NFATC2: variants seen among roughly 807,000 people sequenced by gnomAD.
NFATC2 encodes the protein nuclear factor of activated T-cells, cytoplasmic 2.
NFATC2 carries 22 observed loss-of-function variants against 87.3 expected under a neutral mutation model. That is an observed-to-expected ratio of 0.25 (90% CI 0.18 to 0.36). The LOEUF (loss-of-function observed/expected upper bound fraction) is 0.36, where lower values mean the gene tolerates loss of function less well. NFATC2 is among the 10% of genes least tolerant of loss of function. The pLI, the probability that NFATC2 is intolerant of heterozygous loss-of-function variation, is 1.00. For missense variants in NFATC2, 1,149 were observed against 1,259.1 expected, an observed-to-expected ratio of 0.91 and a Z score of 1.32; for synonymous variants, 565 against 542.2, an observed-to-expected ratio of 1.04 and a Z score of -0.58.
At position 51,523,644 on chromosome 20, in the gene NFATC2, G is replaced by A; in HGVS notation, c.597C>T (p.Asp199=). 7 of 1,613,726 alleles carry A rather than the reference G, an allele frequency of 4.3e-6. No homozygotes were observed. In the East Asian group the frequency reaches 6.7e-5, roughly 15 times the overall value. ...TGTTTTGAAACTGCGGACACAGGTCGTCGGGCCCGCCGTTATTGGGCGAGA... is the reference window on the plus strand; with the variant it reads ...TGTTTTGAAACTGCGGACACAGGTCATCGGGCCCGCCGTTATTGGGCGAGA... ...PCVSPNNGGP[D]DLCPQFQNIP... The change falls in exon 2 of 11, where the codon GAC becomes GAT. Residue 199 remains aspartate, a synonymous_variant. Transcript: ENST00000371564. This position sits in a 1 kb window ranked among gnomAD's most constrained non-coding sequence, Gnocchi z 6.9.
intron 3 of NFATC2, among the ~76,000 whole-genome samples, chr20:51,515,544 A>G (rs1461134163): frequency 6.6e-6 from 1 of 152,244 alleles, no homozygotes; most frequent in African/African-American, 2.4e-5. Flanking sequence ...AATGTCTACC[A>G]CATCCAGTAT....
chr20:51,501,546 G>A (rs1158182043), intron 3 of NFATC2, among the ~76,000 whole-genome samples: 2 of 152,184 alleles, frequency 1.3e-5, no homozygotes, highest in Non-Finnish European at 2.9e-5. Context: ...TGGCTCCCAA[G>A]ATAGCAACAC....
chr20:51,484,028 C>G (rs1045369079), intron 3 of NFATC2, among the ~76,000 whole-genome samples: 3 of 152,056 alleles, frequency 2.0e-5, no homozygotes, highest in Non-Finnish European at 4.4e-5. Context: ...TCAAAAAGCC[C>G]GAGTCCTTAC....
intron 9 of NFATC2, among the ~76,000 whole-genome samples, chr20:51,409,938 C>A (rs935926884): frequency 1.3e-5 from 2 of 152,222 alleles, no homozygotes; most frequent in Non-Finnish European, 2.9e-5. Context: ...TGGCCGGGCA[C>A]AGTGGCTCAC....
chr20:51,432,499 C>A lies in NFATC2; in HGVS notation c.2290G>T (p.Gly764Cys). The A allele has an allele frequency of 6.4e-7, 1 of 1,556,756 alleles. No individual in the cohort carries two copies. The highest frequency in any genetic ancestry group is 1.2e-5 in the South Asian group (1 of 81,950). Reference sequence around the variant, plus strand: ...GCCATGAGGGCCGGCTGCTGATAGCCCAGCAGGCTGGGGCTCAGGCTCTTG... The same window carrying A: ...GCCATGAGGGCCGGCTGCTGATAGCACAGCAGGCTGGGGCTCAGGCTCTTG... ...RSKSLSPSLL[G>C]YQQPALMAAP... Residue 764 changes from glycine to cysteine, a missense_variant, in exon 9 of 11, where the codon GGC (glycine) becomes TGC (cysteine). Around this residue, in one of 3 missense-constraint regions of NFATC2, gnomAD observed 581 missense variants for 649.7 expected, o/e 0.89. Transcript: ENST00000371564. The surrounding 1 kb of genome is among the most constrained non-coding windows in gnomAD (Gnocchi z 4.6).
intron 5 of NFATC2, among the ~76,000 whole-genome samples, chr20:51,462,396 A>G (rs1987256666): frequency 6.6e-6 from 1 of 152,210 alleles, no homozygotes; most frequent in Non-Finnish European, 1.5e-5. Context: ...CAGTGAGTCG[A>G]GATCGCGCCA....
chr20:51,462,701 A>G (rs1423838600), intron 5 of NFATC2, among the ~76,000 whole-genome samples: 1 of 152,120 alleles, frequency 6.6e-6, no homozygotes, highest in Non-Finnish European at 1.5e-5. Context: ...AAATGAGCTA[A>G]TCCATGGGCC....
chr20:51,547,218 G>A (rs533822883), upstream of NFATC2, among the ~76,000 whole-genome samples: 2 of 152,284 alleles, frequency 1.3e-5, no homozygotes. Flanking sequence ...AGCCGTCCAG[G>A]AAAGAGATAA....
intron 9 of NFATC2, among the ~76,000 whole-genome samples, chr20:51,426,299 G>A (rs6067768): frequency 0.52 from 79,682 of 151,842 alleles, 22,977 homozygotes; most frequent in South Asian, 0.64. Context: ...CCACTATGGC[G>A]AAACCATGTC....
upstream of NFATC2, among the ~76,000 whole-genome samples, chr20:51,544,249 A>G (rs2076870173): frequency 6.6e-6 from 1 of 151,960 alleles, no homozygotes; most frequent in Non-Finnish European, 1.5e-5. Flanking sequence ...GGCCTCCCCA[A>G]GTGCTGGGAT....
rs764608601 is a variant in NFATC2 at position 51,391,413 on chromosome 20, C to T, written c.*83G>A. On this transcript the variant is annotated 3_prime_UTR_variant, in exon 11 of 11. Transcript: ENST00000371564. ...GGCTTCTTTTACGTCTGATTTCTGGCAGGAGGTCCTGAAAACTCCTTCCTG... is the reference window on the plus strand; with the variant it reads ...GGCTTCTTTTACGTCTGATTTCTGGTAGGAGGTCCTGAAAACTCCTTCCTG... 9 of 1,588,722 alleles carry T rather than the reference C, an allele frequency of 5.7e-6. No homozygotes were observed. The highest frequency in any genetic ancestry group is 2.3e-5 in the East Asian group (1 of 43,140).
chr20:51,542,660 G>A lies in NFATC2; in HGVS notation c.-161C>T. ...GGGGACGGCGCGCCTGGCGCAGCGGGTCCTGGACGCGCCCGGGGAAGCTGA... is the reference window on the plus strand; with the variant it reads ...GGGGACGGCGCGCCTGGCGCAGCGGATCCTGGACGCGCCCGGGGAAGCTGA... On this transcript the variant is annotated 5_prime_UTR_variant, in exon 1 of 11. Coordinates refer to ENST00000371564, the MANE Select transcript of NFATC2 (RefSeq NM_012340.5). 1.7e-6 allele frequency: 2 copies of A among 1,169,564 alleles called. No individual in the cohort carries two copies. Among genetic ancestry groups the A allele is most frequent in the Non-Finnish European group, 2.1e-6 (2 of 947,890 alleles). 72.4% of individuals were successfully genotyped at this position (1,169,564 alleles called of 1,614,324 possible).
At chr20:51,559,328 A>T (rs552707974) in intron 1 of NFATC2, among the ~76,000 whole-genome samples, 13 of 152,330 alleles carry the variant, frequency 8.5e-5, no homozygotes, top group African/African-American at 2.9e-4. Context: ...TATACCCTCC[A>T]CATCCTCCCA....
At chr20:51,445,790 G>A (rs977379077) in intron 6 of NFATC2, among the ~76,000 whole-genome samples, 4 of 152,292 alleles carry the variant, frequency 2.6e-5, no homozygotes, top group African/African-American at 4.8e-5. Context: ...CACATAGTAG[G>A]TGCTCAATAA....
intron 3 of NFATC2, among the ~76,000 whole-genome samples, chr20:51,506,941 C>A (rs1033900801): frequency 6.6e-6 from 1 of 152,214 alleles, no homozygotes; most frequent in Non-Finnish European, 1.5e-5. Flanking sequence ...ACCCTAGGTC[C>A]AGGACTCAGG....
intron 4 of NFATC2, among the ~76,000 whole-genome samples, chr20:51,474,413 A>G (rs1367656286): frequency 1.3e-5 from 2 of 152,214 alleles, no homozygotes; most frequent in Non-Finnish European, 2.9e-5. Flanking sequence ...GAAAAACTCT[A>G]TGTAACTGGG....
intron 9 of NFATC2, among the ~76,000 whole-genome samples, chr20:51,426,006 C>CG (rs945308535): frequency 7.2e-5 from 11 of 152,116 alleles, no homozygotes; most frequent in African/African-American, 2.2e-4. Flanking sequence ...CTGGAGGAAG[C>CG]GGGGGGAGGG....
chr20:51,429,888 G>A (rs1982435152), intron 9 of NFATC2, among the ~76,000 whole-genome samples: 1 of 152,010 alleles, frequency 6.6e-6, no homozygotes, highest in African/African-American at 2.4e-5. Flanking sequence ...CATCCTTAGA[G>A]CTGACTCAGG....
At chr20:51,560,790 G>A (rs1424971007) in intron 1 of NFATC2, among the ~76,000 whole-genome samples, 10 of 152,232 alleles carry the variant, frequency 6.6e-5, no homozygotes, top group African/African-American at 2.4e-4. Flanking sequence ...ATGGGCTGGG[G>A]AGGGTAGCTA....
Sources: allele counts gnomAD v4.1 joint callset (sites outside exome capture counted in the v4.1 genomes callset), GRCh38; gene constraint gnomAD v4.1.1; regional missense constraint gnomAD v4.1.1; non-coding constraint Gnocchi (gnomAD v3.1); transcripts MANE v1.5; gene names NCBI Gene and HGNC (gene_info 2026-07-23, HGNC 2026-07-21).